RGMB: variants seen among roughly 807,000 people sequenced by gnomAD.
RGMB encodes the protein repulsive guidance molecule B.
RGMB carries 16 observed loss-of-function variants against 26.9 expected under a neutral mutation model. That is an observed-to-expected ratio of 0.60 (90% confidence interval 0.40 to 0.90). The LOEUF is 0.90. Among genes scored for constraint, RGMB ranks in the 40% least tolerant of loss-of-function variants. RGMB has a pLI of 0.00. For missense variants in RGMB, 512 were observed against 573.3 expected (o/e 0.89, Z 1.09); for synonymous variants, 225 against 229.3 (o/e 0.98, Z 0.17).
upstream of RGMB, among the ~76,000 whole-genome samples, chr5:98,772,081 T>C (rs1199188414): frequency 6.6e-6 from 1 of 152,244 alleles, no homozygotes; most frequent in Non-Finnish European, 1.5e-5. Context: ...TTTGCTCTAA[T>C]AATACTTAGT....
At chr5:98,773,137 G>C (rs1165006548), upstream of RGMB, 1 of 152,184 alleles carries the variant, frequency 6.6e-6, no homozygotes, top group African/African-American at 2.4e-5. Context: ...GATGTGATTG[G>C]CTGAAAGGGG....
chr5:98,774,523 T>A (rs1746326716), intron 1 of RGMB, among the ~76,000 whole-genome samples: 1 of 152,198 alleles, frequency 6.6e-6, no homozygotes, highest in Non-Finnish European at 1.5e-5. Context: ...AGACAAATGT[T>A]CCGGATGCTT....
Position 98,795,023 on chromosome 5 carries a change from A to G in RGMB, c.*1270A>G, listed in dbSNP as rs1223823889. 1 of 152,116 alleles carries G rather than the reference A, an allele frequency of 6.6e-6. No homozygotes were observed. Among genetic ancestry groups the G allele is most frequent in the Non-Finnish European group, 1.5e-5 (1 of 68,020 alleles). The allele number at this position is 152,116 out of a possible 1,614,324, so 9.4% of individuals were successfully genotyped here. A position where few individuals can be genotyped will look rare whatever the true frequency, so the allele number is the denominator to read the frequency against. ...CTGAAGTCAGGTACTCTCTCTCTCA[A>G]CACCTGTAGTTGAATATGATTTGGT... On this transcript the variant is annotated 3_prime_UTR_variant, in exon 3 of 3. Transcript: ENST00000513185.
rs1433523372 is a variant in RGMB at position 98,793,521 on chromosome 5, A to C, written c.1082A>C (p.Lys361Thr). ...LETANTQCHE[K>T]MPVKDIYFQS... ...ACTGCCAACACTCAATGCCATGAGAAGATGCCAGTGAAGGACATCTATTTC... is the reference window on the plus strand; with the variant it reads ...ACTGCCAACACTCAATGCCATGAGACGATGCCAGTGAAGGACATCTATTTC... The change falls in exon 3 of 3, where the codon AAG becomes ACG. Residue 361 changes from lysine (K) to threonine (T), a missense_variant. Physicochemically the swap from Lys to Thr is moderately conservative, Grantham distance 78. Coordinates refer to ENST00000513185, the MANE Select transcript of RGMB (RefSeq NM_001366508.1). 1 of 1,614,024 alleles carries C rather than the reference A, an allele frequency of 6.2e-7. No individual in the cohort carries two copies. The highest frequency in any genetic ancestry group is 2.2e-5 in the East Asian group (1 of 44,888).
chr5:98,782,664 T>C (rs765109083), intron 2 of RGMB, among the ~76,000 whole-genome samples: 1 of 152,198 alleles, frequency 6.6e-6, no homozygotes, highest in Non-Finnish European at 1.5e-5. Context: ...GCTGGCCAGC[T>C]GTGATACTGA....
At position 98,796,343 on chromosome 5, in the gene RGMB, C is replaced by CT. The variant is rs1554069300; in HGVS notation, c.*2590_*2591insT. ...TTTGTTATGCTTGGAAGCTCCCCCC[C>CT]CCCCAACAGTGTGTCGAGTCTTTGC... On this transcript the variant is annotated 3_prime_UTR_variant, in exon 3 of 3. Coordinates refer to ENST00000513185, the MANE Select transcript of RGMB (RefSeq NM_001366508.1). 2.1e-5 allele frequency: 3 copies of CT among 141,626 alleles called. No individual in the cohort carries two copies. The highest frequency in any genetic ancestry group is 8.4e-5 in the African/African-American group (3 of 35,590). 8.8% of individuals were successfully genotyped at this position (141,626 alleles called of 1,614,324 possible). A position where few individuals can be genotyped will look rare whatever the true frequency, so the allele number is the denominator to read the frequency against.
At chr5:98,783,014 T>C (rs331552) in intron 2 of RGMB, among the ~76,000 whole-genome samples, 70,466 of 152,118 alleles carry the variant, frequency 0.46, 17,460 homozygotes, top group East Asian at 0.71. Flanking sequence ...TGATGTTGCC[T>C]CATCTCCCCT....
intron 2 of RGMB, among the ~76,000 whole-genome samples, chr5:98,787,047 A>G (rs1580288391): frequency 6.9e-6 from 1 of 144,432 alleles, no homozygotes; most frequent in Non-Finnish European, 1.5e-5. Context: ...CATTTAAGAC[A>G]TGTGTGTGCA....
Position 98,793,246 on chromosome 5 carries a change from G to A in RGMB, c.807G>A (p.Val269=). The change falls in exon 3 of 3, where the codon GTG becomes GTA. Residue 269 remains valine, a synonymous_variant. Coordinates refer to ENST00000513185, the MANE Select transcript of RGMB (RefSeq NM_001366508.1). ...TGGAAAGGGAGAGTGGCCACTATGT[G>A]GAGATGCACGCCCGCTATATAGGGA... ...RIVERESGHY[V]EMHARYIGTT... is the part of the protein sequence containing the mutation. The A allele has an allele frequency of 6.2e-7, 1 of 1,614,036 alleles. No homozygotes were observed. The highest frequency in any genetic ancestry group is 1.7e-4 in the Middle Eastern group (1 of 6,060).
upstream of RGMB, chr5:98,770,068 C>G (rs1266065038): frequency 6.6e-6 from 1 of 152,348 alleles, no homozygotes; most frequent in Non-Finnish European, 1.5e-5. Context: ...TTCGTGGGAA[C>G]TTGTTCTGGC....
chr5:98,772,385 T>A (rs900333669), upstream of RGMB, among the ~76,000 whole-genome samples: 4 of 152,198 alleles, frequency 2.6e-5, no homozygotes, highest in Non-Finnish European at 4.4e-5. Flanking sequence ...ATTATCCTAG[T>A]CCATTGATTA....
At chr5:98,774,347 C>T in intron 1 of RGMB, 141 bp downstream of exon 1, 3 of 886,168 alleles carry the variant, frequency 3.4e-6, no homozygotes, top group East Asian at 6.7e-5. Context: ...CTGACACGCA[C>T]CTCTGTCGGG....
At chr5:98,770,755 T>C (rs1746134752), upstream of RGMB, 3 of 807,126 alleles carry the variant, frequency 3.7e-6, no homozygotes, top group Non-Finnish European at 5.3e-6. Context: ...CTCCTTTCCT[T>C]TCCTTACTGT....
intron 1 of RGMB, among the ~76,000 whole-genome samples, chr5:98,774,891 C>A (rs548922796): frequency 3.3e-5 from 5 of 152,146 alleles, no homozygotes; most frequent in Non-Finnish European, 7.3e-5. Context: ...CGGCGCTTCC[C>A]CAGCCTTGAG....
intron 1 of RGMB, among the ~76,000 whole-genome samples, chr5:98,774,474 C>G (rs1331853744): frequency 6.6e-6 from 1 of 152,178 alleles, no homozygotes; most frequent in Non-Finnish European, 1.5e-5. Context: ...CTCCGACAGC[C>G]GCTTATCAAA....
intron 2 of RGMB, among the ~76,000 whole-genome samples, chr5:98,789,516 G>T (rs1746862237): frequency 6.6e-6 from 1 of 151,714 alleles, no homozygotes; most frequent in Non-Finnish European, 1.5e-5. Context: ...AGAGGCAGGT[G>T]CCTCTTAAAA....
chr5:98,774,033 C>T lies in RGMB; in HGVS notation c.-38C>T. Reference sequence around the variant, plus strand: ...AGACCCGCCACGGCGCCCGCGCCGCCGCCCTCGCCGGAGCCCACGAGACCT... The same window carrying T: ...AGACCCGCCACGGCGCCCGCGCCGCTGCCCTCGCCGGAGCCCACGAGACCT... On this transcript the variant is annotated 5_prime_UTR_variant, in exon 1 of 3. Transcript: ENST00000513185. The T allele has an allele frequency of 1.4e-6, 1 of 729,648 alleles. No individual in the cohort carries two copies. Among genetic ancestry groups the T allele is most frequent in the Non-Finnish European group, 2.3e-6 (1 of 441,858 alleles). The allele number at this position is 729,648 out of a possible 1,614,324, so 45.2% of individuals were successfully genotyped here.
At chr5:98,779,529 A>G in intron 1 of RGMB, 51 bp from the exon 2 acceptor site, 8 of 1,463,216 alleles carry the variant, frequency 5.5e-6, no homozygotes, top group Non-Finnish European at 7.3e-6. Context: ...CATGTAGCTC[A>G]GGAAGTTATG....
rs1385747043 is a variant in RGMB, at chr5:98,793,480, T to C, written c.1041T>C (p.Pro347=). The C allele has an allele frequency of 6.2e-7, 1 of 1,613,474 alleles. No individual in the cohort carries two copies. The highest frequency in any genetic ancestry group is 8.5e-7 in the Non-Finnish European group (1 of 1,179,710). Residue 347 remains proline, a synonymous_variant, in exon 3 of 3, where the codon CCT becomes CCC. Coordinates refer to ENST00000513185, the MANE Select transcript of RGMB (RefSeq NM_001366508.1). The part of the protein sequence containing the change: ...LPRTSLVQAW[P]GYTLETANTQ... Reference sequence around the variant, plus strand: ...GCACCTCCTTGGTGCAGGCCTGGCCTGGCTACACACTGGAGACTGCCAACA... The same window carrying C: ...GCACCTCCTTGGTGCAGGCCTGGCCCGGCTACACACTGGAGACTGCCAACA...
Sources: gnomAD v4.1 joint callset for allele counts (sites outside exome capture counted in the v4.1 genomes callset) on GRCh38, gnomAD v4.1.1 for gene constraint, MANE v1.5 for transcripts, NCBI Gene and HGNC (gene_info 2026-07-23, HGNC 2026-07-21) for gene names.